Variants in ILKAP observed in about 807,000 individuals in gnomAD.
ILKAP encodes the protein ILK associated serine/threonine phosphatase, also known as integrin-linked kinase-associated serine/threonine phosphatase 2C.
A neutral mutation model predicts 49.1 loss-of-function variants in ILKAP; 11 were observed. The observed-to-expected ratio is 0.22, with a 90% CI of 0.14 to 0.37. The LOEUF is 0.37. Ranked by LOEUF, ILKAP falls within the 10% of genes least tolerant of loss-of-function variation. The probability of loss-of-function intolerance (pLI) is 1.00; values close to 1 mark genes in which losing one functional copy is unlikely to be tolerated. For synonymous variants in ILKAP, 186 were observed against 192.8 expected, an observed-to-expected ratio of 0.96 and a Z score of 0.29; for missense variants, 363 against 510.8, an observed-to-expected ratio of 0.71 and a Z score of 2.79.
intron 11 of ILKAP, 92 bp downstream of exon 11, chr2:238,170,851 A>G: frequency 6.9e-7 from 1 of 1,452,044 alleles, no homozygotes. Flanking sequence ...GGGCTGTCCC[A>G]CAATGGGAGG....
At position 238,181,070 on chromosome 2, in the gene ILKAP, T is replaced by C. The variant is rs139204606; in HGVS notation, c.836+995A>G. ...AGCGACCGTGAATGAAACTGCTTCT[T>C]ACTAATCCAAGAGCTTTTTGAACAA... On this transcript the variant is annotated intron_variant, in intron 9 of 11. Transcript: ENST00000254654. Among the ~76,000 whole-genome samples the C allele has an allele frequency of 1.6e-4, 25 of 152,300 alleles. No individual in the cohort carries two copies. In the East Asian group the frequency reaches 4.6e-3, roughly 28 times the overall value.
At chr2:238,190,927 TACTC>T (rs1224049043) in intron 3 of ILKAP, among the ~76,000 whole-genome samples, 2 of 148,690 alleles carry the variant, frequency 1.3e-5, no homozygotes, top group Admixed American at 1.3e-4. Flanking sequence ...CTTATTTACT[TACTC>T]AACCTACTCT....
chr2:238,184,190 T>C, intron 6 of ILKAP, 77 bp from the exon 7 acceptor site: 1 of 890,328 alleles, frequency 1.1e-6, no homozygotes, highest in South Asian at 1.4e-5. Context: ...TTTTGGTTTG[T>C]TTTTTGTTTT....
rs1436172116 is a variant in ILKAP at position 238,170,950 on chromosome 2, C to T, written c.1031G>A (p.Cys344Tyr). The change falls in exon 11 of 12, where the codon TGT becomes TAT. Residue 344 changes from cysteine (C) to tyrosine (Y), a missense_variant. Coordinates refer to ENST00000254654, the MANE Select transcript of ILKAP (RefSeq NM_030768.3). ...PEEAVNFILS[C>Y]LEDEKIQTRE... ...CCGTGTGAGATTTCTCACCTCGAGA[C>T]AGGACAAGATGAAGTTCACGGCTTC... 2 of 1,613,770 alleles carry T rather than the reference C, an allele frequency of 1.2e-6. No homozygotes were observed. The highest frequency in any genetic ancestry group is 2.2e-5 in the East Asian group (1 of 44,876).
chr2:238,188,106 G>A (rs376087694), intron 5 of ILKAP, 25 bp downstream of exon 5: 30 of 1,611,410 alleles, frequency 1.9e-5, no homozygotes, highest in Middle Eastern at 3.3e-4. Context: ...AATGCCAGCC[G>A]GGCTTCCTAC....
chr2:238,173,688 T>C, intron 9 of ILKAP, 35 bp from the exon 10 acceptor site: 1 of 1,606,612 alleles, frequency 6.2e-7, no homozygotes, highest in Non-Finnish European at 8.5e-7. Flanking sequence ...AGACTCTACC[T>C]GACAGATTAT....
intron 8 of ILKAP, among the ~76,000 whole-genome samples, 157 bp from the exon 9 acceptor site, chr2:238,182,343 C>T (rs1170423053): frequency 6.6e-6 from 1 of 152,208 alleles, no homozygotes; most frequent in African/African-American, 2.4e-5. Flanking sequence ...TTCAGAGAAT[C>T]AAGCAGCAAA....
At chr2:238,188,004 G>T in intron 5 of ILKAP, 127 bp downstream of exon 5, 4 of 1,108,316 alleles carry the variant, frequency 3.6e-6, no homozygotes, top group Non-Finnish European at 3.9e-6. Flanking sequence ...CCCCAGCTGA[G>T]AATCACTGAT....
chr2:238,199,200 A>C (rs1449804439), intron 1 of ILKAP, among the ~76,000 whole-genome samples: 1 of 152,238 alleles, frequency 6.6e-6, no homozygotes, highest in Admixed American at 6.5e-5. Context: ...TCATTCGACC[A>C]GATCCTTACT....
chr2:238,188,467 A>T, intron 4 of ILKAP: 1 of 516,606 alleles, frequency 1.9e-6, no homozygotes, highest in East Asian at 3.4e-5. Context: ...GAGCTCTAAG[A>T]GGTTGCACAG....
chr2:238,184,601 C>G (rs559658984), intron 6 of ILKAP, among the ~76,000 whole-genome samples: 1 of 152,058 alleles, frequency 6.6e-6, no homozygotes, highest in African/African-American at 2.4e-5. Flanking sequence ...ACTCTGTCAC[C>G]CAGGCTGCAG....
At chr2:238,173,474 G>A (rs991818715) in intron 10 of ILKAP, 60 bp downstream of exon 10, 40 of 1,584,234 alleles carry the variant, frequency 2.5e-5, no homozygotes, top group Non-Finnish European at 3.4e-5. Flanking sequence ...GAAACTGGAA[G>A]TGAGGAAGAG....
chr2:238,195,721 C>T (rs1694312809), intron 1 of ILKAP, among the ~76,000 whole-genome samples: 1 of 152,154 alleles, frequency 6.6e-6, no homozygotes, highest in Non-Finnish European at 1.5e-5. Context: ...TATCCCACCT[C>T]TTGCTCCTCA....
chr2:238,176,131 G>C (rs1267151662), intron 9 of ILKAP, among the ~76,000 whole-genome samples: 1 of 74,974 alleles, frequency 1.3e-5, no homozygotes, highest in Admixed American at 1.8e-4. Context: ...TTAGCAAGTA[G>C]TGGCTTTTTT....
chr2:238,172,220 T>G (rs1293065765), intron 10 of ILKAP, among the ~76,000 whole-genome samples: 1 of 151,946 alleles, frequency 6.6e-6, no homozygotes, highest in Admixed American at 6.6e-5. Context: ...CCTGGCTAAT[T>G]TTTGTATTTT....
At chr2:238,188,304 CT>C in intron 4 of ILKAP, 47 bp from the exon 5 acceptor site, 1 of 1,594,558 alleles carries the variant, frequency 6.3e-7, no homozygotes, top group Non-Finnish European at 8.5e-7. Flanking sequence ...GTGCCCAACC[CT>C]CTGGAAACCC....
chr2:238,192,569 G>A (rs1000461950), intron 3 of ILKAP, among the ~76,000 whole-genome samples: 40 of 151,902 alleles, frequency 2.6e-4, no homozygotes, highest in African/African-American at 8.2e-4. Flanking sequence ...GCGTGGTGGC[G>A]GGAGCCTGTA....
intron 3 of ILKAP, among the ~76,000 whole-genome samples, chr2:238,191,695 G>T (rs1694128814): frequency 6.6e-6 from 1 of 151,856 alleles, no homozygotes; most frequent in African/African-American, 2.4e-5. Context: ...ATCATCTAAG[G>T]TCAGAAGGTC....
chr2:238,203,597 C>T lies in ILKAP; in HGVS notation c.-44G>A. 1 of 1,111,644 alleles carries T rather than the reference C, an allele frequency of 9.0e-7. No individual in the cohort carries two copies. Among genetic ancestry groups the T allele is most frequent in the Non-Finnish European group, 1.1e-6 (1 of 903,364 alleles). The allele number at this position is 1,111,644 out of a possible 1,614,324, so 68.9% of individuals were successfully genotyped here. A position where few individuals can be genotyped will look rare whatever the true frequency, so the allele number is the denominator to read the frequency against. ...GCGGCAGCAGCGACAGACACTCAGCCCGCGAGCAGCGGCCGGGCTCCACAC... is the reference window on the plus strand; with the variant it reads ...GCGGCAGCAGCGACAGACACTCAGCTCGCGAGCAGCGGCCGGGCTCCACAC... On this transcript the variant is annotated 5_prime_UTR_variant, in exon 1 of 12. Coordinates refer to ENST00000254654, the MANE Select transcript of ILKAP (RefSeq NM_030768.3).
Sources: gnomAD v4.1 joint callset for allele counts (sites outside exome capture counted in the v4.1 genomes callset) on GRCh38, gnomAD v4.1.1 for gene constraint, MANE v1.5 for transcripts, NCBI Gene and HGNC (gene_info 2026-07-23, HGNC 2026-07-21) for gene names.